The following EXOSC7 variants were observed in gnomAD, a reference collection of about 807,000 sequenced individuals.
The protein encoded by EXOSC7 is exosome component 7.
In EXOSC7, 25 loss-of-function variants were observed where a neutral mutation model predicts 34.3. That is an observed-to-expected ratio of 0.73 (90% CI 0.53 to 1.02). The LOEUF is 1.02. EXOSC7 is among the 50% of genes least tolerant of loss of function. The probability of loss-of-function intolerance (pLI) is 0.00; values close to 1 mark genes in which losing one functional copy is unlikely to be tolerated. For missense variants in EXOSC7, 370 were observed against 368.5 expected, an observed-to-expected ratio of 1.00 and a Z score of -0.03; for synonymous variants, 130 against 143.0, an observed-to-expected ratio of 0.91 and a Z score of 0.65.
At chr3:45,002,982 G>C (rs1706921869) in intron 5 of EXOSC7, among the ~76,000 whole-genome samples, 1 of 152,212 alleles carries the variant, frequency 6.6e-6, no homozygotes, top group Non-Finnish European at 1.5e-5. Flanking sequence ...CCATCTGCCA[G>C]CTGGTTCCTA....
chr3:45,003,309 G>A (rs898028329), intron 5 of EXOSC7, among the ~76,000 whole-genome samples: 1 of 150,522 alleles, frequency 6.6e-6, no homozygotes, highest in Non-Finnish European at 1.5e-5. Flanking sequence ...CCAAAGGGTT[G>A]GGAAATTGGG....
intron 5 of EXOSC7, chr3:45,002,359 AT>A (rs1345542046): frequency 6.6e-6 from 1 of 152,178 alleles, no homozygotes; most frequent in African/African-American, 2.4e-5. Flanking sequence ...ACCTAAGGAC[AT>A]AATTGAATAA....
At chr3:45,006,825 G>A (rs992385437) in intron 6 of EXOSC7, among the ~76,000 whole-genome samples, 18 of 62,016 alleles carry the variant, frequency 2.9e-4, no homozygotes, top group Admixed American at 5.0e-4. Flanking sequence ...TCAACCTCAA[G>A]CAACCCTTCC....
At chr3:44,994,225 G>A (rs1361930664) in intron 3 of EXOSC7, among the ~76,000 whole-genome samples, 6 of 148,364 alleles carry the variant, frequency 4.0e-5, no homozygotes, top group African/African-American at 1.2e-4. Flanking sequence ...TAAGAGTGGT[G>A]TCTAGCTCAT....
At chr3:44,976,759 A>C (rs1706052316) in intron 1 of EXOSC7, among the ~76,000 whole-genome samples, 1 of 152,210 alleles carries the variant, frequency 6.6e-6, no homozygotes, top group Non-Finnish European at 1.5e-5. Context: ...AGGTGAACGC[A>C]CTTTGAAAAT....
In EXOSC7 at chr3:44,997,149, C is replaced by G; in HGVS notation, c.317C>G (p.Ala106Gly). 1 of 1,613,388 alleles carries G rather than the reference C, an allele frequency of 6.2e-7. No homozygotes were observed. The change falls in exon 4 of 8, where the codon GCT (alanine) becomes GGT (glycine). Residue 106 changes from alanine (A) to glycine (G), a missense_variant. By Grantham distance (60) the Ala-to-Gly change is moderately conservative. Transcript: ENST00000265564. The part of the protein sequence containing the change: ...RGGDDLGTEI[A>G]NTLYRIFNNK... ...GGTGATGACCTTGGCACCGAGATCG[C>G]TAACACCCTCTATCGGATATTTAAC...
chr3:45,006,629 G>T (rs1365249499), intron 6 of EXOSC7, among the ~76,000 whole-genome samples: 1 of 149,352 alleles, frequency 6.7e-6, no homozygotes, highest in Non-Finnish European at 1.5e-5. Flanking sequence ...TGTTAGCCAG[G>T]ATGGTCTCGA....
At chr3:44,998,657 A>G (rs1706793753) in intron 4 of EXOSC7, among the ~76,000 whole-genome samples, 1 of 152,222 alleles carries the variant, frequency 6.6e-6, no homozygotes, top group African/African-American at 2.4e-5. Context: ...TTGATATTGG[A>G]TGGAGCATAG....
At chr3:45,009,218 G>A (rs17557370) in intron 7 of EXOSC7, among the ~76,000 whole-genome samples, 89,726 of 152,062 alleles carry the variant, frequency 0.59, 27,349 homozygotes, top group East Asian at 0.89. Context: ...GGTTTGGGGA[G>A]TGAGGTCTGC....
intron 5 of EXOSC7, chr3:45,004,888 C>CT (rs1447884407): frequency 6.4e-6 from 1 of 156,342 alleles, no homozygotes; most frequent in East Asian, 1.8e-4. Context: ...GAATATGTAA[C>CT]TTTTTTCTCT....
At chr3:44,987,621 C>G (rs1238791001) in intron 1 of EXOSC7, among the ~76,000 whole-genome samples, 5 of 152,216 alleles carry the variant, frequency 3.3e-5, no homozygotes, top group Admixed American at 3.3e-4. Context: ...TGTAACCACA[C>G]TGAAGGGCAC....
chr3:44,976,780 G>C (rs990485428), intron 1 of EXOSC7, among the ~76,000 whole-genome samples: 1 of 152,174 alleles, frequency 6.6e-6, no homozygotes, highest in Non-Finnish European at 1.5e-5. Context: ...ACAAATTGCC[G>C]TACAAATAAA....
In EXOSC7 at chr3:44,980,386, T is replaced by A. The variant is rs571842925; in HGVS notation, c.57+4052T>A. Among the ~76,000 whole-genome samples the A allele has an allele frequency of 7.4e-4, 113 of 152,354 alleles. 2 individuals are homozygous for A. Among genetic ancestry groups the A allele is most frequent in the African/African-American group, 2.5e-3 (106 of 41,582 alleles). On this transcript the variant is annotated intron_variant, in intron 1 of 7. Transcript: ENST00000265564. The stretch of plus-strand genomic sequence containing the variant: ...AAGGCTATATCCCATTCTTATTAGG[T>A]ACATATTATAATTTTTATTTCATTG...
chr3:44,999,354 G>C (rs548518796), intron 4 of EXOSC7, among the ~76,000 whole-genome samples: 224 of 152,228 alleles, frequency 1.5e-3, no homozygotes, highest in African/African-American at 4.8e-3. Flanking sequence ...TTGTTTTAAG[G>C]GTTTTGCTTA....
Position 44,989,230 on chromosome 3 carries a change from A to G in EXOSC7, c.148A>G (p.Arg50Gly). Residue 50 changes from arginine to glycine, a missense_variant, in exon 2 of 8, where the codon AGG becomes GGG. Arg to Gly is a moderately radical substitution (Grantham distance 125). This residue lies in a region of EXOSC7 where 95 missense variants were observed against 79.8 expected (regional missense o/e 1.19). Coordinates refer to ENST00000265564, the MANE Select transcript of EXOSC7 (RefSeq NM_015004.4). ...GGTGTCCAACACTAGTGGGTCCGCC[A>G]GGGTCAAGCTGGTGAGTACTGTGAC... ...DVVSNTSGSA[R>G]VKLGHTDILV... 3.1e-6 allele frequency: 5 copies of G among 1,613,418 alleles called. No homozygotes were observed. Among genetic ancestry groups the G allele is most frequent in the Non-Finnish European group, 4.2e-6 (5 of 1,179,332 alleles).
chr3:45,012,136 A>C (rs1697301404), downstream of EXOSC7: 1 of 152,196 alleles, frequency 6.6e-6, no homozygotes. Flanking sequence ...CAGTGTGTTA[A>C]AATTAAGTCT....
At chr3:44,977,078 C>T (rs1156449652) in intron 1 of EXOSC7, 1 of 152,252 alleles carries the variant, frequency 6.6e-6, no homozygotes, top group Non-Finnish European at 1.5e-5. Flanking sequence ...GTGCTGTTTC[C>T]ATTTTGCCAA....
intron 4 of EXOSC7, among the ~76,000 whole-genome samples, chr3:45,000,247 T>C (rs569187934): frequency 1.3e-5 from 2 of 152,356 alleles, no homozygotes; most frequent in African/African-American, 4.8e-5. Flanking sequence ...TGTCTTTTGA[T>C]GGGTTCTTTC....
chr3:45,003,890 T>A (rs998858887), intron 5 of EXOSC7, among the ~76,000 whole-genome samples: 1 of 152,228 alleles, frequency 6.6e-6, no homozygotes, highest in African/African-American at 2.4e-5. Context: ...TTTTGAGAGA[T>A]CTGTGTTGCT....
Sources: gnomAD v4.1 joint callset for allele counts (sites outside exome capture counted in the v4.1 genomes callset) on GRCh38, gnomAD v4.1.1 for gene constraint, gnomAD v4.1.1 regional missense constraint, MANE v1.5 for transcripts, NCBI Gene and HGNC (gene_info 2026-07-23, HGNC 2026-07-21) for gene names.